The following SKAP1 variants were observed in gnomAD, a reference collection of about 807,000 sequenced individuals.
The protein encoded by SKAP1 is src kinase associated phosphoprotein 1.
In SKAP1, 44 loss-of-function variants were observed where a neutral mutation model predicts 58.5. The ratio of observed to expected loss-of-function variants is 0.75; its 90% CI spans 0.59 to 0.97. SKAP1 has a LOEUF of 0.97. SKAP1 is among the 50% of genes least tolerant of loss of function. SKAP1 has a pLI of 0.00. For synonymous variants in SKAP1, 127 were observed against 149.7 expected (o/e 0.85, Z 1.11); for missense variants, 390 against 435.2 (o/e 0.90, Z 0.92).
chr17:48,411,608 A>T (rs1272249064), intron 1 of SKAP1, among the ~76,000 whole-genome samples: 1 of 152,128 alleles, frequency 6.6e-6, no homozygotes. Context: ...ACAATAGAGA[A>T]ACCTGACAAA....
At chr17:48,386,287 T>C (rs542073224) in intron 2 of SKAP1, among the ~76,000 whole-genome samples, 1 of 149,250 alleles carries the variant, frequency 6.7e-6, no homozygotes, top group Non-Finnish European at 1.5e-5. Flanking sequence ...TCATGCAACA[T>C]GCCAGCACCA....
chr17:48,235,009 C>T (rs757482643), intron 4 of SKAP1, among the ~76,000 whole-genome samples: 21 of 152,116 alleles, frequency 1.4e-4, no homozygotes, highest in Non-Finnish European at 2.1e-4. Context: ...GTAAAAGTAT[C>T]GAACTAGTTC....
chr17:48,398,411 TCCCAC>T (rs1461895327), intron 1 of SKAP1, among the ~76,000 whole-genome samples: 4 of 152,036 alleles, frequency 2.6e-5, no homozygotes, highest in African/African-American at 9.7e-5. Flanking sequence ...AGCTCAAGCC[TCCCAC>T]TGATTCTACA....
At chr17:48,211,059 T>C (rs929574580) in intron 4 of SKAP1, among the ~76,000 whole-genome samples, 2 of 152,088 alleles carry the variant, frequency 1.3e-5, no homozygotes, top group African/African-American at 2.4e-5. Flanking sequence ...GCTCCTCTTT[T>C]TTTTCCTGAA....
chr17:48,368,540 G>C (rs982852149), intron 2 of SKAP1, among the ~76,000 whole-genome samples: 2 of 152,202 alleles, frequency 1.3e-5, no homozygotes, highest in African/African-American at 2.4e-5. Flanking sequence ...TGTGCAGATA[G>C]ATAACAAACA....
At chr17:48,311,674 C>A (rs1465292317) in intron 4 of SKAP1, among the ~76,000 whole-genome samples, 2 of 152,142 alleles carry the variant, frequency 1.3e-5, no homozygotes, top group Admixed American at 6.5e-5. Flanking sequence ...CCTTTAATTC[C>A]TCCCTCCCAA....
chr17:48,304,582 T>C (rs920344683), intron 4 of SKAP1, among the ~76,000 whole-genome samples: 1 of 152,164 alleles, frequency 6.6e-6, no homozygotes, highest in African/African-American at 2.4e-5. Flanking sequence ...CACAACCTGA[T>C]AGGAACAGCC....
At chr17:48,136,168 T>C (rs1598349869) in intron 12 of SKAP1, among the ~76,000 whole-genome samples, 1 of 150,400 alleles carries the variant, frequency 6.6e-6, no homozygotes, top group East Asian at 1.9e-4. Flanking sequence ...GGGTATGCTT[T>C]TCTCTCTCTT....
rs1329567064 is a variant in SKAP1, at chr17:48,386,070, G to GT, written c.152+10609dup. ...AGAGATATGTTATTAGAGGAGACAC[G>GT]TGAAGAGATGGATGCCTTGGTTCTG... is the stretch of plus-strand genomic sequence containing the variant. On this transcript the variant is annotated intron_variant, in intron 2 of 12. Transcript: ENST00000336915. 1.3e-5 allele frequency among the ~76,000 whole-genome samples: 2 copies of GT among 152,110 alleles called. 1 individual carries two copies.
At chr17:48,266,126 C>A (rs963801131) in intron 4 of SKAP1, among the ~76,000 whole-genome samples, 2 of 151,720 alleles carry the variant, frequency 1.3e-5, no homozygotes, top group Non-Finnish European at 2.9e-5. Context: ...AAACACACAC[C>A]CACACCTACA....
chr17:48,307,074 A>G (rs1316419389), intron 4 of SKAP1, among the ~76,000 whole-genome samples: 1 of 152,226 alleles, frequency 6.6e-6, no homozygotes, highest in African/African-American at 2.4e-5. Context: ...TACTTAATAT[A>G]TGAGTATGTG....
At chr17:48,203,808 G>A (rs2064759599) in intron 4 of SKAP1, 1 of 152,202 alleles carries the variant, frequency 6.6e-6, no homozygotes, top group Non-Finnish European at 1.5e-5. Flanking sequence ...ACTTCTAATT[G>A]TGGAATTGCC....
Position 48,191,256 on chromosome 17 carries a change from GA to G in SKAP1, c.281-1757del, listed in dbSNP as rs199742792. Among the ~76,000 whole-genome samples the G allele has an allele frequency of 1.5e-3, 220 of 150,448 alleles. 3 individuals carry two copies. The highest frequency in any genetic ancestry group is 5.0e-3 in the African/African-American group (203 of 41,006). ...TCAAAAAATAAAATGAAAGAAGAAT[GA>G]AAAAAAAAGCCTCTTTTAAGGACAC... On this transcript the variant is annotated intron_variant, in intron 4 of 12. Coordinates refer to ENST00000336915, the MANE Select transcript of SKAP1 (RefSeq NM_003726.4).
At chr17:48,429,618 C>T (rs774453499) in intron 1 of SKAP1, among the ~76,000 whole-genome samples, 1 of 152,176 alleles carries the variant, frequency 6.6e-6, no homozygotes, top group African/African-American at 2.4e-5. Context: ...ATGGGGATCC[C>T]ATGAGCCCCT....
chr17:48,325,177 A>T (rs2144240462), intron 4 of SKAP1, among the ~76,000 whole-genome samples: 1 of 134,428 alleles, frequency 7.4e-6, no homozygotes, highest in Non-Finnish European at 1.5e-5. Context: ...TGAACCCGGG[A>T]GGCGGAGCTT....
At position 48,163,371 on chromosome 17, in the gene SKAP1, C is replaced by T. The variant is rs566564050; in HGVS notation, c.878-802G>A. 1.2e-4 allele frequency among the ~76,000 whole-genome samples: 19 copies of T among 152,268 alleles called. 1 individual carries two copies. The South Asian group carries it at 1.7e-3, about 13-fold the overall frequency. On this transcript the variant is annotated intron_variant, in intron 10 of 12. Coordinates refer to ENST00000336915, the MANE Select transcript of SKAP1 (RefSeq NM_003726.4). ...TGAGCTTCTCAGCAGAACTAGATGGCAATGATGCCACAGGACAGCCATCGA... is the reference window on the plus strand; with the variant it reads ...TGAGCTTCTCAGCAGAACTAGATGGTAATGATGCCACAGGACAGCCATCGA...
At chr17:48,381,993 C>G (rs576637517) in intron 2 of SKAP1, among the ~76,000 whole-genome samples, 4 of 152,238 alleles carry the variant, frequency 2.6e-5, no homozygotes, top group Non-Finnish European at 5.9e-5. Context: ...GGTTCAAATT[C>G]CAATTCTAGA....
At chr17:48,380,064 A>T (rs951890221) in intron 2 of SKAP1, 6 of 152,274 alleles carry the variant, frequency 3.9e-5, no homozygotes, top group African/African-American at 1.4e-4. Flanking sequence ...CCATAAAAAA[A>T]TGGAATGGAC....
At chr17:48,376,130 C>G (rs7225940) in intron 2 of SKAP1, among the ~76,000 whole-genome samples, 14,097 of 152,080 alleles carry the variant, frequency 0.093, 1,002 homozygotes, top group African/African-American at 0.17. Flanking sequence ...CGCTTAAAAA[C>G]CTAATTTTGT....
Sources: allele counts gnomAD v4.1 joint callset (sites outside exome capture counted in the v4.1 genomes callset), GRCh38; gene constraint gnomAD v4.1.1; transcripts MANE v1.5; gene names NCBI Gene and HGNC (gene_info 2026-07-23, HGNC 2026-07-21).